The following NHS variants were observed in gnomAD, a reference collection of about 807,000 sequenced individuals.
NHS encodes NHS actin remodeling regulator.
In NHS, 5 loss-of-function variants were observed where a neutral mutation model predicts 72.5. That is an observed-to-expected ratio of 0.07 (90% confidence interval 0.04 to 0.14). The LOEUF (loss-of-function observed/expected upper bound fraction) is 0.14. Ranked by LOEUF, NHS falls within the 10% of genes least tolerant of loss-of-function variation. The pLI, the probability that NHS is intolerant of heterozygous loss-of-function variation, is 1.00. For missense variants in NHS, 1,072 were observed against 1,355.7 expected (o/e 0.79, Z 3.29); for synonymous variants, 464 against 547.7 (o/e 0.85, Z 2.13).
chrX:17,614,484 C>G (rs1029802646), intron 1 of NHS, among the ~76,000 whole-genome samples: 1 of 111,461 alleles, frequency 9.0e-6, no homozygotes, highest in African/African-American at 3.3e-5. Context: ...CAAGCAAACC[C>G]TCTCATAAGT....
chrX:17,694,931 T>C (rs750929318), intron 3 of NHS, among the ~76,000 whole-genome samples: 5 of 111,981 alleles, frequency 4.5e-5, no homozygotes, highest in African/African-American at 1.3e-4. Flanking sequence ...TCTTTATCTG[T>C]AAAATGGGGA....
intron 1 of NHS, among the ~76,000 whole-genome samples, chrX:17,511,294 G>T: frequency 9.0e-6 from 1 of 111,617 alleles, no homozygotes; most frequent in East Asian, 2.8e-4. Flanking sequence ...AGTGGGTGCA[G>T]TTGGGGGCTG....
At chrX:17,666,893 C>T (rs1244774981) in intron 1 of NHS, among the ~76,000 whole-genome samples, 2 of 112,317 alleles carry the variant, frequency 1.8e-5, no homozygotes, top group Non-Finnish European at 1.9e-5. Flanking sequence ...AAGTGGTGTA[C>T]ATCACTTCTG....
intron 1 of NHS, among the ~76,000 whole-genome samples, chrX:17,442,781 G>T (rs1251662775): frequency 8.9e-6 from 1 of 112,354 alleles, no homozygotes; most frequent in East Asian, 2.8e-4. Context: ...ACTGGGATAA[G>T]ATATATGTGA....
chrX:17,460,342 C>T (rs1237221905), intron 1 of NHS, among the ~76,000 whole-genome samples: 1 of 110,715 alleles, frequency 9.0e-6, no homozygotes, highest in Non-Finnish European at 1.9e-5. Flanking sequence ...CACAGTTCCA[C>T]ACTGCTGAGG....
intron 1 of NHS, among the ~76,000 whole-genome samples, chrX:17,416,595 T>A (rs1000862328): frequency 8.9e-6 from 1 of 112,620 alleles, no homozygotes; most frequent in Admixed American, 9.4e-5. Flanking sequence ...GATATTTCTC[T>A]TAACAGTACT....
intron 1 of NHS, among the ~76,000 whole-genome samples, chrX:17,548,638 A>G (rs1219305407): frequency 4.5e-5 from 5 of 111,679 alleles, no homozygotes; most frequent in Non-Finnish European, 7.5e-5. Flanking sequence ...GCCCATACAC[A>G]TGTATGCTCT....
At chrX:17,412,249 TATC>T (rs915081440) in intron 1 of NHS, among the ~76,000 whole-genome samples, 7 of 109,729 alleles carry the variant, frequency 6.4e-5, no homozygotes, top group Non-Finnish European at 9.5e-5. Flanking sequence ...ATATGTATTC[TATC>T]ATCATATCAA....
intron 1 of NHS, among the ~76,000 whole-genome samples, chrX:17,538,229 G>C (rs1469588334): frequency 8.9e-6 from 1 of 112,142 alleles, no homozygotes; most frequent in Non-Finnish European, 1.9e-5. Context: ...TCAGGTGCGG[G>C]AGCTGAGACC....
intron 1 of NHS, among the ~76,000 whole-genome samples, chrX:17,536,658 C>A (rs1022784167): frequency 8.9e-6 from 1 of 112,351 alleles, no homozygotes; most frequent in African/African-American, 3.2e-5. Flanking sequence ...GTTAGAGGAA[C>A]CCAATAAATT....
chrX:17,540,572 C>T (rs1036909278), intron 1 of NHS, among the ~76,000 whole-genome samples: 1 of 111,955 alleles, frequency 8.9e-6, no homozygotes, highest in African/African-American at 3.3e-5. Flanking sequence ...AACTACTAGG[C>T]ATCTGATTTG....
intron 1 of NHS, among the ~76,000 whole-genome samples, chrX:17,480,722 A>G (rs1460517486): frequency 8.9e-6 from 1 of 112,205 alleles, no homozygotes; most frequent in Non-Finnish European, 1.9e-5. Context: ...TAGCCTGTGC[A>G]TCTCTAGATA....
chrX:17,391,142 C>T (rs2064443454), intron 1 of NHS, among the ~76,000 whole-genome samples: 1 of 111,583 alleles, frequency 9.0e-6, no homozygotes, highest in Admixed American at 9.5e-5. Flanking sequence ...TTCTCTGTGG[C>T]CCGGCCAGCC....
chrX:17,424,082 T>C (rs1252003507), intron 1 of NHS, among the ~76,000 whole-genome samples: 5 of 112,575 alleles, frequency 4.4e-5, no homozygotes, highest in Admixed American at 9.4e-5. Context: ...TAATCTACTT[T>C]GGGGTGGAGG....
chrX:17,709,817 G>T (rs1180937569), intron 3 of NHS, among the ~76,000 whole-genome samples: 1 of 110,960 alleles, frequency 9.0e-6, no homozygotes, highest in Non-Finnish European at 1.9e-5. Flanking sequence ...CGAGTATGGG[G>T]TGCTGCCTGC....
intron 1 of NHS, among the ~76,000 whole-genome samples, chrX:17,526,143 G>A (rs778110806): frequency 8.8e-6 from 1 of 113,021 alleles, no homozygotes; most frequent in Admixed American, 9.3e-5. Context: ...TATAGTTAAT[G>A]CTTTGAATGT....
rs199573490 is a variant in NHS, at chrX:17,729,370, A to AAC, written c.4349+609_4349+610dup. 9.8e-5 allele frequency among the ~76,000 whole-genome samples: 11 copies of AAC among 112,014 alleles called. No homozygotes were observed. In the South Asian group the frequency reaches 1.5e-3, roughly 15 times the overall value. Reference sequence around the variant, plus strand: ...GCTTAAAATAAAATAAAACTTAGAGAACACACACACACACAAAGTTGATCA... The same window carrying AAC: ...GCTTAAAATAAAATAAAACTTAGAGAACACACACACACACACAAAGTTGATCA... On this transcript the variant is annotated intron_variant, in intron 8 of 8. Coordinates refer to ENST00000676302, the MANE Select transcript of NHS (RefSeq NM_001291867.2).
chrX:17,682,718 A>C (rs1235773605), intron 1 of NHS, among the ~76,000 whole-genome samples: 2 of 110,803 alleles, frequency 1.8e-5, no homozygotes, highest in South Asian at 3.8e-4. Flanking sequence ...TGGGGATGTG[A>C]GGTAAGGAGG....
chrX:17,465,703 C>T (rs1347628926), intron 1 of NHS, among the ~76,000 whole-genome samples: 1 of 110,844 alleles, frequency 9.0e-6, no homozygotes, highest in Admixed American at 9.6e-5. Context: ...ATCATTTTTG[C>T]TTTTCACTGT....
Sources: gnomAD v4.1 joint callset for allele counts (sites outside exome capture counted in the v4.1 genomes callset) on GRCh38, gnomAD v4.1.1 for gene constraint, MANE v1.5 for transcripts, NCBI Gene and HGNC (gene_info 2026-07-23, HGNC 2026-07-21) for gene names.